Variants in ESYT2 observed in about 807,000 individuals in gnomAD.
ESYT2 encodes extended synaptotagmin-2.
In ESYT2, 54 loss-of-function variants were observed where a neutral mutation model predicts 107.2. The observed-to-expected ratio is 0.50, with a 90% confidence interval of 0.40 to 0.63. ESYT2 has a LOEUF of 0.63. Ranked by LOEUF, ESYT2 falls within the 30% of genes least tolerant of loss-of-function variation. The pLI, the probability that ESYT2 is intolerant of heterozygous loss-of-function variation, is 0.00. For missense variants in ESYT2, 1,020 were observed against 1,094.5 expected (o/e 0.93, Z 0.96); for synonymous variants, 491 against 434.1 (o/e 1.13, Z -1.63).
intron 14 of ESYT2, among the ~76,000 whole-genome samples, chr7:158,750,395 G>A (rs994553612): frequency 8.6e-4 from 131 of 152,218 alleles, no homozygotes; most frequent in African/African-American, 3.0e-3. Context: ...CAGCAGATAC[G>A]TGTGACATGA....
In ESYT2 at chr7:158,734,240, C is replaced by G; in HGVS notation, c.2568G>C (p.Thr856=). 2 of 1,614,082 alleles carry G rather than the reference C, an allele frequency of 1.2e-6. No individual in the cohort carries two copies. Among genetic ancestry groups the G allele is most frequent in the Non-Finnish European group, 1.7e-6 (2 of 1,180,042 alleles). The part of the protein sequence containing the change: ...AKGWTQWYDL[T]EDGTRPQAMT ...TCGCCTGAGGCCTCGTCCCATCTTC[C>G]GTGAGGTCATACCTGAGAAAGACAG... The change falls in exon 23 of 23, where the codon ACG becomes ACC. Residue 856 remains threonine (T), a synonymous_variant. Transcript: ENST00000275418.
chr7:158,776,891 C>T (rs895482078), intron 6 of ESYT2, among the ~76,000 whole-genome samples: 58 of 148,306 alleles, frequency 3.9e-4, no homozygotes, highest in African/African-American at 1.4e-3. Flanking sequence ...CTTGCTCTGT[C>T]GCCCAGGCTG....
intron 19 of ESYT2, among the ~76,000 whole-genome samples, chr7:158,738,312 C>CA (rs1350264204): frequency 0.012 from 858 of 71,020 alleles, 29 homozygotes; most frequent in East Asian, 0.061. Context: ...ACTCTGTCTC[C>CA]AAAAAAAAAA....
At chr7:158,780,416 C>T (rs1241216603) in intron 6 of ESYT2, among the ~76,000 whole-genome samples, 1 of 152,214 alleles carries the variant, frequency 6.6e-6, no homozygotes, top group African/African-American at 2.4e-5. Flanking sequence ...AGTTCTGTCC[C>T]ACTTTAATCT....
chr7:158,741,842 CTTG>C lies in ESYT2; in HGVS notation c.1846_1848del (p.Gln616del). ...TCTTTGGACACAGAGGGACGTTTGA[CTTG>C]AGCTGAGTGTTGGTGGTCTGGAGGC... On this transcript the variant is annotated inframe_deletion, in exon 18 of 23. Coordinates refer to ENST00000275418, the MANE Select transcript of ESYT2 (RefSeq NM_001367773.1). 1 of 1,613,890 alleles carries C rather than the reference CTTG, an allele frequency of 6.2e-7. No homozygotes were observed. Among genetic ancestry groups the C allele is most frequent in the Non-Finnish European group, 8.5e-7 (1 of 1,179,896 alleles).
intron 18 of ESYT2, among the ~76,000 whole-genome samples, chr7:158,739,678 A>C (rs1423338365): frequency 6.6e-6 from 1 of 152,142 alleles, no homozygotes; most frequent in Non-Finnish European, 1.5e-5. Context: ...GGGTCCTGAA[A>C]ACTAAAAGTA....
intron 6 of ESYT2, among the ~76,000 whole-genome samples, chr7:158,786,881 T>C (rs1179448534): frequency 2.6e-4 from 40 of 152,222 alleles, no homozygotes; most frequent in Admixed American, 2.6e-3. Flanking sequence ...GTTATGATCC[T>C]TGCTTTCAAA....
chr7:158,754,414 T>C (rs968104156), intron 13 of ESYT2, among the ~76,000 whole-genome samples: 3 of 152,038 alleles, frequency 2.0e-5, no homozygotes, highest in African/African-American at 7.3e-5. Flanking sequence ...CGTTTCACCA[T>C]GTTGGCCAGG....
chr7:158,765,927 C>T (rs189292443), intron 8 of ESYT2, among the ~76,000 whole-genome samples: 493 of 152,162 alleles, frequency 3.2e-3, no homozygotes, highest in Non-Finnish European at 5.3e-3. Context: ...TGGCCAGGTG[C>T]GGTGACTCAC....
Position 158,735,483 on chromosome 7 carries a change from A to G in ESYT2, c.2505+20T>C. On this transcript the variant is annotated intron_variant, in intron 21 of 22. Coordinates refer to ENST00000275418, the MANE Select transcript of ESYT2 (RefSeq NM_001367773.1). Reference sequence around the variant, plus strand: ...TTTTACAAACTGCAGGAACTGGTTGAGGATTCGTTTGGCACTTACTTTGCC... The same window carrying G: ...TTTTACAAACTGCAGGAACTGGTTGGGGATTCGTTTGGCACTTACTTTGCC... The G allele has an allele frequency of 6.3e-7, 1 of 1,594,784 alleles. No homozygotes were observed. Among genetic ancestry groups the G allele is most frequent in the Non-Finnish European group, 8.6e-7 (1 of 1,162,758 alleles).
At chr7:158,751,868 A>G (rs987275835) in intron 14 of ESYT2, among the ~76,000 whole-genome samples, 1 of 152,122 alleles carries the variant, frequency 6.6e-6, no homozygotes, top group African/African-American at 2.4e-5. Context: ...AATTCCTTTC[A>G]ATGTTCTGGA....
intron 9 of ESYT2, among the ~76,000 whole-genome samples, chr7:158,763,953 G>A (rs931549652): frequency 2.6e-5 from 4 of 152,176 alleles, no homozygotes; most frequent in Admixed American, 6.5e-5. Context: ...GGAGTCGTAC[G>A]GTGAAGTATA....
At position 158,732,067 on chromosome 7, in the gene ESYT2, CCTTTAATTGTGT is replaced by C. The variant is rs1277529248; in HGVS notation, c.*2128_*2139del. 6.6e-6 allele frequency: 1 copy of C among 152,222 alleles called. No individual in the cohort carries two copies. The highest frequency in any genetic ancestry group is 1.5e-5 in the Non-Finnish European group (1 of 68,104). The allele number at this position is 152,222 out of a possible 1,614,324, so 9.4% of individuals were successfully genotyped here. On this transcript the variant is annotated 3_prime_UTR_variant, in exon 23 of 23. Transcript: ENST00000275418. ...TCTACCACTTCCTCTGGGCTTTGTACCTTTAATTGTGTCTACTCTGCCTAAGTGCTTAAATAA... is the reference window on the plus strand; with the variant it reads ...TCTACCACTTCCTCTGGGCTTTGTACCTACTCTGCCTAAGTGCTTAAATAA...
chr7:158,747,086 C>T (rs1020371378), intron 16 of ESYT2, among the ~76,000 whole-genome samples: 19 of 151,936 alleles, frequency 1.3e-4, no homozygotes, highest in African/African-American at 4.6e-4. Context: ...TGGCTCACGC[C>T]TGTAATCCCA....
Position 158,752,803 on chromosome 7 carries a change from GTCT to G in ESYT2, c.1457_1459del (p.Lys486del), listed in dbSNP as rs1457703379. On this transcript the variant is annotated inframe_deletion, in exon 14 of 23. Transcript: ENST00000275418. ...TACCTTTAAAGCTCTCTGAACTGCA[GTCT>G]TCTTCAAGACATCGGGGTTAAATTC... 7.7e-7 allele frequency: 1 copy of G among 1,304,228 alleles called. No homozygotes were observed. Among genetic ancestry groups the G allele is most frequent in the South Asian group, 1.2e-5 (1 of 81,022 alleles). 80.8% of individuals were successfully genotyped at this position (1,304,228 alleles called of 1,614,324 possible). A position where few individuals can be genotyped will look rare whatever the true frequency, so the allele number is the denominator to read the frequency against.
intron 15 of ESYT2, among the ~76,000 whole-genome samples, chr7:158,748,995 T>C (rs1038918881): frequency 2.7e-4 from 41 of 152,342 alleles, no homozygotes; most frequent in Middle Eastern, 3.4e-3. Flanking sequence ...TAAGCACTGT[T>C]GGTTTTCTTT....
chr7:158,761,606 T>C, intron 10 of ESYT2, 62 bp from the exon 11 acceptor site: 2 of 1,457,244 alleles, frequency 1.4e-6, no homozygotes, highest in Middle Eastern at 2.0e-4. Flanking sequence ...TGAAACAACT[T>C]TAAAACATAG....
chr7:158,825,300 A>C (rs1840407814), intron 1 of ESYT2, among the ~76,000 whole-genome samples: 1 of 151,612 alleles, frequency 6.6e-6, no homozygotes, highest in African/African-American at 2.4e-5. Context: ...CTCAAAAATA[A>C]ATAAATAAAT....
intron 20 of ESYT2, among the ~76,000 whole-genome samples, chr7:158,736,382 A>G (rs965204260): frequency 3.9e-5 from 6 of 152,194 alleles, no homozygotes; most frequent in Non-Finnish European, 7.4e-5. Context: ...CATTTCCCAA[A>G]ACAAGGGTGG....
Sources: allele counts gnomAD v4.1 joint callset (sites outside exome capture counted in the v4.1 genomes callset), GRCh38; gene constraint gnomAD v4.1.1; transcripts MANE v1.5; gene names NCBI Gene and HGNC (gene_info 2026-07-23, HGNC 2026-07-21).